MPDZ: variants seen among roughly 807,000 people sequenced by gnomAD.
MPDZ encodes the protein multiple PDZ domain protein.
In MPDZ, 234 loss-of-function variants were observed where a neutral mutation model predicts 239.1. The ratio of observed to expected loss-of-function variants is 0.98; its 90% CI spans 0.88 to 1.09. The LOEUF is 1.09. Ranked by LOEUF, MPDZ falls within the 50% of genes least tolerant of loss-of-function variation. MPDZ has a pLI of 0.00. For missense variants in MPDZ, 3,175 were observed against 2,510.0 expected (o/e 1.26, Z -5.66); for synonymous variants, 1,048 against 881.3 (o/e 1.19, Z -3.35).
chr9:13,254,574 G>GA (rs1311019390), intron 1 of MPDZ, among the ~76,000 whole-genome samples: 5 of 151,296 alleles, frequency 3.3e-5, no homozygotes, highest in African/African-American at 7.3e-5. Context: ...ATAAAAAATG[G>GA]AAAAAAAACA....
At chr9:13,244,566 G>A (rs1966158795) in intron 3 of MPDZ, among the ~76,000 whole-genome samples, 1 of 152,112 alleles carries the variant, frequency 6.6e-6, no homozygotes, top group Non-Finnish European at 1.5e-5. Context: ...GTTAAACAGA[G>A]ACATCAATTA....
At chr9:13,274,277 T>C (rs1030781646) in intron 1 of MPDZ, among the ~76,000 whole-genome samples, 2 of 152,022 alleles carry the variant, frequency 1.3e-5, no homozygotes, top group African/African-American at 2.4e-5. Flanking sequence ...TGGTAGTTGA[T>C]GTTACTGGGT....
chr9:13,184,619 G>T (rs1953841950), intron 18 of MPDZ, among the ~76,000 whole-genome samples: 1 of 151,822 alleles, frequency 6.6e-6, no homozygotes, highest in African/African-American at 2.4e-5. Context: ...CTATGTGGAG[G>T]TTTACCCTTA....
chr9:13,211,057 T>C (rs1292875891), intron 10 of MPDZ, among the ~76,000 whole-genome samples: 1 of 152,098 alleles, frequency 6.6e-6, no homozygotes, highest in African/African-American at 2.4e-5. Flanking sequence ...TGATATACCC[T>C]CTATCTCTAG....
rs1461032923 is a variant in MPDZ at position 13,136,709 on chromosome 9, C to A, written c.4292+3G>T. On this transcript the variant is annotated splice_donor_region_variant and intron_variant, in intron 30 of 46. Coordinates refer to ENST00000319217, the MANE Select transcript of MPDZ (RefSeq NM_001378778.1). Reference sequence around the variant, plus strand: ...TGGTAAACTAGCAAAAGAAAATGATCACCTGATAAAAATTATTTTCACTTT... The same window carrying A: ...TGGTAAACTAGCAAAAGAAAATGATAACCTGATAAAAATTATTTTCACTTT... 6.5e-7 allele frequency: 1 copy of A among 1,535,500 alleles called. No individual in the cohort carries two copies. Among genetic ancestry groups the A allele is most frequent in the South Asian group, 1.2e-5 (1 of 84,700 alleles).
At chr9:13,108,208 G>T (rs1185932930) in intron 46 of MPDZ, among the ~76,000 whole-genome samples, 1 of 152,028 alleles carries the variant, frequency 6.6e-6, no homozygotes, top group Non-Finnish European at 1.5e-5. Flanking sequence ...TTTCCCTGCA[G>T]AAAATCTTGT....
chr9:13,223,716 T>C lies in MPDZ; in HGVS notation c.394-6A>G. On this transcript the variant is annotated splice_polypyrimidine_tract_variant and splice_region_variant and intron_variant, in intron 4 of 46. Transcript: ENST00000319217. ...AAAACTTCTACATGGCGACCCTGTT[T>C]AGGAAACAAAGCAAGAAATAAAACT... 6.3e-7 allele frequency: 1 copy of C among 1,587,466 alleles called. No individual in the cohort carries two copies. Among genetic ancestry groups the C allele is most frequent in the African/African-American group, 1.4e-5 (1 of 74,062 alleles).
intron 22 of MPDZ, chr9:13,165,394 G>C (rs771901788): frequency 6.5e-7 from 1 of 1,549,356 alleles, no homozygotes; most frequent in African/African-American, 1.4e-5. Flanking sequence ...ATCGTCAGCA[G>C]GTGCTGCAGA....
At chr9:13,251,849 C>T (rs535413141) in intron 1 of MPDZ, among the ~76,000 whole-genome samples, 1 of 152,274 alleles carries the variant, frequency 6.6e-6, no homozygotes, top group East Asian at 1.9e-4. Context: ...ACTACTGGCA[C>T]TTGTTTTAAA....
At position 13,158,000 on chromosome 9, in the gene MPDZ, G is replaced by T. The variant is rs1229332646; in HGVS notation, c.3452+18C>A. The T allele has an allele frequency of 6.2e-7, 1 of 1,604,540 alleles. No individual in the cohort carries two copies. Among genetic ancestry groups the T allele is most frequent in the Non-Finnish European group, 8.5e-7 (1 of 1,172,590 alleles). On this transcript the variant is annotated intron_variant, in intron 24 of 46. Transcript: ENST00000319217. ...CTATATATCCATTGGGTGGACAGAAGACAGAAATAGTCCTTACCGCCTGGG... is the reference window on the plus strand; with the variant it reads ...CTATATATCCATTGGGTGGACAGAATACAGAAATAGTCCTTACCGCCTGGG...
Position 13,183,510 on chromosome 9 carries a change from A to C in MPDZ, c.2557T>G (p.Tyr853Asp). Residue 853 changes from tyrosine (Y) to aspartate (D), a missense_variant, in exon 19 of 47, where the codon TAC (tyrosine) becomes GAC (aspartate). Physicochemically the swap from Tyr to Asp is radical, Grantham distance 160 (BLOSUM62 -3). Coordinates refer to ENST00000319217, the MANE Select transcript of MPDZ (RefSeq NM_001378778.1). ...SPYSPENDSIYSTQASILSLH... is the reference protein window; with the variant it reads ...SPYSPENDSIDSTQASILSLH... The stretch of plus-strand genomic sequence containing the variant: ...GATAAAATAGAGGCTTGAGTAGAGT[A>C]GATGCTGTCATTTTCAGGAGAGTAT... 6.2e-7 allele frequency: 1 copy of C among 1,612,580 alleles called. No individual in the cohort carries two copies. The highest frequency in any genetic ancestry group is 1.3e-5 in the African/African-American group (1 of 74,998).
In MPDZ at chr9:13,123,298, T is replaced by C; in HGVS notation, c.4808A>G (p.Asn1603Ser). 2 of 1,601,278 alleles carry C rather than the reference T, an allele frequency of 1.2e-6. No individual in the cohort carries two copies. Among genetic ancestry groups the C allele is most frequent in the East Asian group, 4.5e-5 (2 of 44,236 alleles). The change falls in exon 36 of 47, where the codon AAT becomes AGT. Residue 1603 changes from asparagine (N) to serine (S), a missense_variant and splice_region_variant. Physicochemically the swap from Asn to Ser is conservative, Grantham distance 46. Coordinates refer to ENST00000319217, the MANE Select transcript of MPDZ (RefSeq NM_001378778.1). ...TGCTGGTGTTGATGATCTGCTTGTA[T>C]CTAAAAATAAGTTAAAAATGAAATA... is the stretch of plus-strand genomic sequence containing the variant. ...SGSPEPESIR[N>S]TSRSSTPAIF...
Position 13,279,399 on chromosome 9 carries a change from C to G in MPDZ, c.-58+1G>C, listed in dbSNP as rs969303963. On this transcript the variant is annotated splice_donor_variant, in intron 1 of 46. Coordinates refer to ENST00000319217, the MANE Select transcript of MPDZ (RefSeq NM_001378778.1). LOFTEE classifies it low-confidence loss of function (5UTR_SPLICE). Reference sequence around the variant, plus strand: ...TGGGCCGGGGCTCAAGCGCCGCTTACCCGGCTCGCGGCGCCCGCCCAGGGC... The same window carrying G: ...TGGGCCGGGGCTCAAGCGCCGCTTAGCCGGCTCGCGGCGCCCGCCCAGGGC... The G allele has an allele frequency of 2.0e-5, 3 of 146,536 alleles. No homozygotes were observed. Among genetic ancestry groups the G allele is most frequent in the Admixed American group, 1.3e-4 (2 of 14,826 alleles). The allele number at this position is 146,536 out of a possible 1,614,324, so 9.1% of individuals were successfully genotyped here.
intron 1 of MPDZ, among the ~76,000 whole-genome samples, chr9:13,260,928 T>TCC (rs1025963151): frequency 5.9e-5 from 9 of 152,190 alleles, no homozygotes; most frequent in African/African-American, 1.9e-4. Flanking sequence ...CCGCAGGCCC[T>TCC]CCTCCAAGGA....
intron 1 of MPDZ, among the ~76,000 whole-genome samples, chr9:13,266,890 T>C (rs1237935226): frequency 6.6e-6 from 1 of 152,178 alleles, no homozygotes; most frequent in Non-Finnish European, 1.5e-5. Flanking sequence ...AAGCCTTAAT[T>C]AGAGGGATGT....
intron 19 of MPDZ, among the ~76,000 whole-genome samples, chr9:13,182,475 A>T (rs1417098924): frequency 1.3e-5 from 2 of 152,066 alleles, no homozygotes; most frequent in African/African-American, 4.8e-5. Flanking sequence ...TATCCTGCCA[A>T]CACATTTTTA....
In MPDZ at chr9:13,193,310, C is replaced by A. The variant is rs1299546622; in HGVS notation, c.1660G>T (p.Ala554Ser). The A allele has an allele frequency of 5.1e-6, 8 of 1,582,448 alleles. No individual in the cohort carries two copies. In the Admixed American group the frequency reaches 1.3e-4, roughly 25 times the overall value. Residue 554 changes from alanine (A) to serine (S), a missense_variant, in exon 14 of 47, where the codon GCC becomes TCC. Ala to Ser is a moderately conservative substitution (Grantham distance 99). Coordinates refer to ENST00000319217, the MANE Select transcript of MPDZ (RefSeq NM_001378778.1). ...TTCTCACTAAACTTGCTCACATGGGCCACCTGAAAAGAAAAAAAAAAAGAT... is the reference window on the plus strand; with the variant it reads ...TTCTCACTAAACTTGCTCACATGGGACACCTGAAAAGAAAAAAAAAAAGAT... ...IMGINYEIVVAHVSKFSENSG... is the reference protein window; with the variant it reads ...IMGINYEIVVSHVSKFSENSG...
At chr9:13,234,334 C>T (rs1963364167) in intron 3 of MPDZ, among the ~76,000 whole-genome samples, 1 of 152,026 alleles carries the variant, frequency 6.6e-6, no homozygotes, top group Admixed American at 6.6e-5. Context: ...TATATTTCAT[C>T]TATTCCTTCT....
At chr9:13,151,765 A>G (rs1034829566) in intron 24 of MPDZ, among the ~76,000 whole-genome samples, 2 of 152,244 alleles carry the variant, frequency 1.3e-5, no homozygotes, top group Admixed American at 1.3e-4. Context: ...ACTGAACTGT[A>G]CACTTACAAA....
Sources: gnomAD v4.1 joint callset for allele counts (sites outside exome capture counted in the v4.1 genomes callset) on GRCh38, gnomAD v4.1.1 for gene constraint, MANE v1.5 for transcripts, NCBI Gene and HGNC (gene_info 2026-07-23, HGNC 2026-07-21) for gene names.